Variants in ITGB5 observed in about 807,000 individuals in gnomAD.
The protein encoded by ITGB5 is integrin subunit beta 5.
In ITGB5, 38 loss-of-function variants were observed where a neutral mutation model predicts 84.8. The observed-to-expected ratio is 0.45, with a 90% CI of 0.35 to 0.59. The LOEUF (loss-of-function observed/expected upper bound fraction) is 0.59, where lower values mean the gene tolerates loss of function less well. ITGB5 is among the 20% of genes least tolerant of loss of function. The pLI, the probability that ITGB5 is intolerant of heterozygous loss-of-function variation, is 0.01. For missense variants in ITGB5, 905 were observed against 1,034.5 expected (o/e 0.87, Z 1.72); for synonymous variants, 393 against 414.4 (o/e 0.95, Z 0.63).
At chr3:124,852,983 G>C (rs1174233651) in intron 3 of ITGB5, among the ~76,000 whole-genome samples, 6 of 152,114 alleles carry the variant, frequency 3.9e-5, no homozygotes, top group African/African-American at 1.4e-4. Flanking sequence ...CACATGCCCA[G>C]CCTCAAAAAC....
intron 5 of ITGB5, among the ~76,000 whole-genome samples, chr3:124,830,350 G>A (rs1383144880): frequency 6.6e-6 from 1 of 152,216 alleles, no homozygotes; most frequent in African/African-American, 2.4e-5. Context: ...CAGGAGCCAG[G>A]AAGAAGTCAG....
At chr3:124,859,217 C>A in intron 3 of ITGB5, 25 bp downstream of exon 3, 1 of 1,608,002 alleles carries the variant, frequency 6.2e-7, no homozygotes, top group Non-Finnish European at 8.5e-7. Flanking sequence ...CCCAGAGCAT[C>A]CAGCCCTTTC....
At chr3:124,873,681 C>T (rs1559981806) in intron 1 of ITGB5, 150 bp from the exon 2 acceptor site, 1 of 713,698 alleles carries the variant, frequency 1.4e-6, no homozygotes. Flanking sequence ...CAGGTTAAGG[C>T]TCATTTGCTA....
At chr3:124,847,048 C>T (rs1214707308) in intron 4 of ITGB5, among the ~76,000 whole-genome samples, 1 of 152,226 alleles carries the variant, frequency 6.6e-6, no homozygotes, top group Non-Finnish European at 1.5e-5. Context: ...GCCTCAGTTT[C>T]TGCATCTCTA....
intron 10 of ITGB5, among the ~76,000 whole-genome samples, chr3:124,795,824 C>T (rs1039902528): frequency 3.9e-5 from 6 of 152,162 alleles, no homozygotes; most frequent in African/African-American, 9.7e-5. Flanking sequence ...TGGAAAAGGC[C>T]GGGACACAGA....
At chr3:124,861,481 C>CAT (rs771303161) in intron 2 of ITGB5, among the ~76,000 whole-genome samples, 3,323 of 117,722 alleles carry the variant, frequency 0.028, 188 homozygotes, top group African/African-American at 0.11. Flanking sequence ...CAAAACAAAA[C>CAT]ATATATATAT....
chr3:124,768,517 T>G (rs1422726137), intron 12 of ITGB5, among the ~76,000 whole-genome samples: 3 of 152,214 alleles, frequency 2.0e-5, no homozygotes, highest in Non-Finnish European at 2.9e-5. Context: ...ATACATGGCT[T>G]CTTTTGCTCC....
intron 9 of ITGB5, among the ~76,000 whole-genome samples, chr3:124,804,939 T>G (rs2064371616): frequency 6.6e-6 from 1 of 152,020 alleles, no homozygotes; most frequent in Non-Finnish European, 1.5e-5. Context: ...AGTGCTGGAA[T>G]TACAGGCGTG....
intron 5 of ITGB5, among the ~76,000 whole-genome samples, chr3:124,835,546 C>A (rs533964126): frequency 6.6e-6 from 1 of 152,220 alleles, no homozygotes; most frequent in African/African-American, 2.4e-5. Context: ...CTGGATCAAG[C>A]CCCGGAAACC....
intron 3 of ITGB5, among the ~76,000 whole-genome samples, chr3:124,855,525 G>C (rs944983560): frequency 1.3e-5 from 2 of 152,092 alleles, no homozygotes; most frequent in Non-Finnish European, 2.9e-5. Context: ...AATTTTAAGA[G>C]GCATCATTGG....
chr3:124,834,568 A>AGGAG (rs2064905130), intron 5 of ITGB5, among the ~76,000 whole-genome samples: 1 of 50,580 alleles, frequency 2.0e-5, no homozygotes, highest in African/African-American at 9.5e-5. Context: ...GGAGGGAGGG[A>AGGAG]GGAAGGAAGG....
rs1034205496 is a variant in ITGB5, at chr3:124,762,919, C to T, written c.*704G>A. ...CCCACTGGGGGCACCATTTTAAGTC[C>T]GCTCAGAAAGAAAGAAACACACAGA... On this transcript the variant is annotated 3_prime_UTR_variant, in exon 15 of 15. Coordinates refer to ENST00000296181, the MANE Select transcript of ITGB5 (RefSeq NM_002213.5). 6 of 152,244 alleles carry T rather than the reference C, an allele frequency of 3.9e-5. No individual in the cohort carries two copies. The highest frequency in any genetic ancestry group is 3.8e-4 in the East Asian group (2 of 5,200). The allele number at this position is 152,244 out of a possible 1,614,324, so 9.4% of individuals were successfully genotyped here. A position where few individuals can be genotyped will look rare whatever the true frequency, so the allele number is the denominator to read the frequency against.
At chr3:124,853,407 C>T (rs1057142432) in intron 3 of ITGB5, among the ~76,000 whole-genome samples, 3 of 152,178 alleles carry the variant, frequency 2.0e-5, no homozygotes, top group African/African-American at 7.2e-5. Flanking sequence ...ACTGCACCCC[C>T]TCTCCACCTC....
intron 8 of ITGB5, among the ~76,000 whole-genome samples, chr3:124,811,587 A>AAAAAGCAAGAG (rs2064502843): frequency 6.6e-6 from 1 of 152,168 alleles, no homozygotes; most frequent in Non-Finnish European, 1.5e-5. Context: ...GCCCCAAGGG[A>AAAAAGCAAGAG]GGATCTGGGA....
At chr3:124,776,029 A>G (rs2063921671) in intron 10 of ITGB5, among the ~76,000 whole-genome samples, 1 of 152,236 alleles carries the variant, frequency 6.6e-6, no homozygotes, top group African/African-American at 2.4e-5. Context: ...GCAGCGCTGA[A>G]GCAGATGGCA....
chr3:124,865,481 CTT>C (rs59446328), intron 2 of ITGB5, among the ~76,000 whole-genome samples: 9 of 93,294 alleles, frequency 9.6e-5, no homozygotes, highest in Non-Finnish European at 1.2e-4. Flanking sequence ...CGGCTTTTTT[CTT>C]TTTTTTTTTT....
At chr3:124,776,765 G>A (rs778975330) in intron 10 of ITGB5, among the ~76,000 whole-genome samples, 2 of 152,134 alleles carry the variant, frequency 1.3e-5, no homozygotes, top group Non-Finnish European at 2.9e-5. Context: ...CCAGGCGGGT[G>A]TTGTTTTCTT....
Position 124,763,527 on chromosome 3 carries a change from A to G in ITGB5, c.*96T>C. The G allele has an allele frequency of 1.4e-6, 1 of 711,800 alleles. No homozygotes were observed. Among genetic ancestry groups the G allele is most frequent in the Non-Finnish European group, 2.5e-6 (1 of 401,820 alleles). 44.1% of individuals were successfully genotyped at this position (711,800 alleles called of 1,614,324 possible). On this transcript the variant is annotated 3_prime_UTR_variant, in exon 15 of 15. Coordinates refer to ENST00000296181, the MANE Select transcript of ITGB5 (RefSeq NM_002213.5). Reference sequence around the variant, plus strand: ...CTAGAAGGTCTTCTCTGTGGTGCCTACCTAGGGAGCTGTGATCAAGCCGAG... The same window carrying G: ...CTAGAAGGTCTTCTCTGTGGTGCCTGCCTAGGGAGCTGTGATCAAGCCGAG...
intron 3 of ITGB5, among the ~76,000 whole-genome samples, chr3:124,852,494 T>G (rs975180708): frequency 2.0e-5 from 3 of 151,980 alleles, no homozygotes; most frequent in African/African-American, 7.2e-5. Context: ...TGCACAGAAT[T>G]TCTGCACTGC....
Sources: allele counts gnomAD v4.1 joint callset (sites outside exome capture counted in the v4.1 genomes callset), GRCh38; gene constraint gnomAD v4.1.1; transcripts MANE v1.5; gene names NCBI Gene and HGNC (gene_info 2026-07-23, HGNC 2026-07-21).